SUSD4: variants seen among roughly 807,000 people sequenced by gnomAD.
SUSD4 encodes sushi domain containing 4, also known as sushi domain-containing protein 4.
A neutral mutation model predicts 50.5 loss-of-function variants in SUSD4; 41 were observed. The observed-to-expected ratio is 0.81, with a 90% CI of 0.63 to 1.05. The LOEUF (loss-of-function observed/expected upper bound fraction) is 1.05, where lower values mean the gene tolerates loss of function less well. Ranked by LOEUF, SUSD4 falls within the 50% of genes least tolerant of loss-of-function variation. SUSD4 has a pLI of 0.00. For synonymous variants in SUSD4, 257 were observed against 257.3 expected, an observed-to-expected ratio of 1.00 and a Z score of 0.01; for missense variants, 580 against 634.7, an observed-to-expected ratio of 0.91 and a Z score of 0.93.
intron 2 of SUSD4, among the ~76,000 whole-genome samples, chr1:223,358,268 ATGGG>A (rs1453157929): frequency 6.6e-6 from 1 of 151,070 alleles, no homozygotes; most frequent in African/African-American, 2.4e-5. Context: ...GGATGGATGG[ATGGG>A]TGGGAAAAAG....
At chr1:223,293,077 GT>G (rs1430479691) in intron 2 of SUSD4, among the ~76,000 whole-genome samples, 1 of 152,138 alleles carries the variant, frequency 6.6e-6, no homozygotes, top group Non-Finnish European at 1.5e-5. Flanking sequence ...GGCATGGGTG[GT>G]TTTCTAACGG....
chr1:223,349,843 C>G (rs61838249), intron 2 of SUSD4, among the ~76,000 whole-genome samples: 51,294 of 152,084 alleles, frequency 0.34, 8,741 homozygotes, highest in African/African-American at 0.42. Context: ...GTCTTCCTTT[C>G]GTATCTGCTA....
intron 3 of SUSD4, among the ~76,000 whole-genome samples, chr1:223,272,338 C>T (rs1304499494): frequency 6.6e-6 from 1 of 152,160 alleles, no homozygotes; most frequent in African/African-American, 2.4e-5. Flanking sequence ...CATCTTTCAC[C>T]AGCCCAACAC....
intron 2 of SUSD4, among the ~76,000 whole-genome samples, chr1:223,294,394 A>G (rs1558224164): frequency 6.6e-6 from 1 of 152,160 alleles, no homozygotes; most frequent in Admixed American, 6.5e-5. Context: ...TTTCTCTAAC[A>G]TACTGCACTT....
At chr1:223,282,658 T>C (rs1032399667) in intron 3 of SUSD4, among the ~76,000 whole-genome samples, 1 of 152,208 alleles carries the variant, frequency 6.6e-6, no homozygotes, top group African/African-American at 2.4e-5. Context: ...AAAATGGCCA[T>C]ACTGCCCAAG....
chr1:223,292,140 G>T (rs1425031847), intron 3 of SUSD4, among the ~76,000 whole-genome samples: 1 of 152,156 alleles, frequency 6.6e-6, no homozygotes, highest in Non-Finnish European at 1.5e-5. Context: ...GTGCTGAGTT[G>T]GCAGCCTAAT....
At chr1:223,313,731 G>A (rs1411988725) in intron 2 of SUSD4, among the ~76,000 whole-genome samples, 2 of 152,156 alleles carry the variant, frequency 1.3e-5, no homozygotes, top group Admixed American at 6.5e-5. Flanking sequence ...AAAGAAGCTG[G>A]CCAAAACCCA....
At chr1:223,275,897 CAG>C (rs1663228967) in intron 3 of SUSD4, among the ~76,000 whole-genome samples, 1 of 152,250 alleles carries the variant, frequency 6.6e-6, no homozygotes, top group Non-Finnish European at 1.5e-5. Context: ...TAAAGAAAAA[CAG>C]AACCTAATCC....
chr1:223,283,194 C>G (rs1223381950), intron 3 of SUSD4, among the ~76,000 whole-genome samples: 2 of 152,146 alleles, frequency 1.3e-5, no homozygotes, highest in Non-Finnish European at 2.9e-5. Flanking sequence ...GTCTAAAACA[C>G]CAAAAGCAAT....
At chr1:223,290,356 G>A (rs577563129) in intron 3 of SUSD4, among the ~76,000 whole-genome samples, 1 of 152,312 alleles carries the variant, frequency 6.6e-6, no homozygotes, top group Admixed American at 6.5e-5. Context: ...AGCCTAGAGT[G>A]TTAACAATCA....
chr1:223,222,304 TAC>T (rs1354995460), intron 8 of SUSD4, 84 bp from the exon 9 acceptor site: 7 of 1,432,022 alleles, frequency 4.9e-6, no homozygotes, highest in East Asian at 4.6e-5. Flanking sequence ...TTAAAATATC[TAC>T]AGTTTCTCAA....
rs929218240 is a variant in SUSD4, at chr1:223,221,864, C to A, written c.*328G>T. On this transcript the variant is annotated 3_prime_UTR_variant, in exon 9 of 9. Coordinates refer to ENST00000366878, the MANE Select transcript of SUSD4 (RefSeq NM_017982.4). ...GGAGTACTTGCCAGTCAATGGGATG[C>A]GTGATGATTCGGTGGGATGTGCGTG... 5 of 265,770 alleles carry A rather than the reference C, an allele frequency of 1.9e-5. No homozygotes were observed. In the East Asian group the frequency reaches 2.8e-4, roughly 15 times the overall value. 16.5% of individuals were successfully genotyped at this position (265,770 alleles called of 1,614,324 possible).
At chr1:223,286,463 C>G (rs1664148496) in intron 3 of SUSD4, among the ~76,000 whole-genome samples, 1 of 151,936 alleles carries the variant, frequency 6.6e-6, no homozygotes, top group Admixed American at 6.6e-5. Context: ...GTTGACCAGG[C>G]TGGTCTAGAA....
chr1:223,253,502 C>T (rs577588195), intron 5 of SUSD4, among the ~76,000 whole-genome samples: 32 of 152,138 alleles, frequency 2.1e-4, no homozygotes, highest in Admixed American at 9.8e-4. Flanking sequence ...CAGGGAATTA[C>T]GGCAATGGTT....
chr1:223,355,696 G>T (rs17163834), intron 2 of SUSD4, among the ~76,000 whole-genome samples: 1 of 152,078 alleles, frequency 6.6e-6, no homozygotes, highest in Non-Finnish European at 1.5e-5. Flanking sequence ...CACTTCCACG[G>T]TGGTAATTCT....
intron 5 of SUSD4, among the ~76,000 whole-genome samples, chr1:223,253,733 G>A (rs920003370): frequency 2.6e-5 from 4 of 152,192 alleles, no homozygotes; most frequent in African/African-American, 9.7e-5. Context: ...TCCCAGAGAG[G>A]AAAGAAAGAA....
chr1:223,355,379 C>G (rs897418833), intron 2 of SUSD4, among the ~76,000 whole-genome samples: 4 of 151,948 alleles, frequency 2.6e-5, no homozygotes, highest in African/African-American at 9.7e-5. Context: ...CGGCCACACC[C>G]AGCTAATTTT....
intron 2 of SUSD4, among the ~76,000 whole-genome samples, chr1:223,309,788 A>T (rs1665763241): frequency 6.6e-6 from 1 of 152,148 alleles, no homozygotes; most frequent in African/African-American, 2.4e-5. Context: ...AGTCTTTTTT[A>T]ATAACATCCT....
intron 2 of SUSD4, among the ~76,000 whole-genome samples, chr1:223,297,309 G>T (rs1488601940): frequency 6.6e-6 from 1 of 152,200 alleles, no homozygotes; most frequent in Non-Finnish European, 1.5e-5. Flanking sequence ...AGCTGCTCAT[G>T]GACTAGGCCC....
Sources: allele counts gnomAD v4.1 joint callset (sites outside exome capture counted in the v4.1 genomes callset), GRCh38; gene constraint gnomAD v4.1.1; transcripts MANE v1.5; gene names NCBI Gene and HGNC (gene_info 2026-07-23, HGNC 2026-07-21).